The following PRKAR1B variants were observed in gnomAD, a reference collection of about 807,000 sequenced individuals.
PRKAR1B encodes cAMP-dependent protein kinase type I-beta regulatory subunit.
In PRKAR1B, 22 loss-of-function variants were observed where a neutral mutation model predicts 46.5. That is an observed-to-expected ratio of 0.47 (90% CI 0.34 to 0.68). The LOEUF (loss-of-function observed/expected upper bound fraction) is 0.68, where lower values mean the gene tolerates loss of function less well. PRKAR1B is among the 30% of genes least tolerant of loss of function. The probability of loss-of-function intolerance (pLI) is 0.01; values close to 1 mark genes in which losing one functional copy is unlikely to be tolerated. For synonymous variants in PRKAR1B, 259 were observed against 217.7 expected (o/e 1.19, Z -1.67); for missense variants, 445 against 535.6 (o/e 0.83, Z 1.67).
At chr7:613,678 C>T (rs1263973067) in intron 4 of PRKAR1B, among the ~76,000 whole-genome samples, 1 of 152,210 alleles carries the variant, frequency 6.6e-6, no homozygotes, top group Non-Finnish European at 1.5e-5. Flanking sequence ...ACTACGAGGG[C>T]CCACCGACCA....
At chr7:728,727 C>T (rs995681560), upstream of PRKAR1B, among the ~76,000 whole-genome samples, 18 of 152,226 alleles carry the variant, frequency 1.2e-4, no homozygotes, top group Non-Finnish European at 2.2e-4. Flanking sequence ...CAGCCCCAAG[C>T]GCAGCCTGCT....
intron 1 of PRKAR1B, among the ~76,000 whole-genome samples, chr7:711,953 G>A (rs1780658130): frequency 6.6e-6 from 1 of 151,802 alleles, no homozygotes; most frequent in Non-Finnish European, 1.5e-5. Flanking sequence ...GGGCCCCTGC[G>A]CGCGGCCTCA....
chr7:563,012 C>T (rs553599132), intron 9 of PRKAR1B, among the ~76,000 whole-genome samples: 10 of 152,230 alleles, frequency 6.6e-5, no homozygotes, highest in Non-Finnish European at 8.8e-5. Flanking sequence ...ACCTAACGGG[C>T]GCTGATGAAA....
chr7:604,665 C>T (rs1025134979), intron 6 of PRKAR1B, among the ~76,000 whole-genome samples: 6 of 152,216 alleles, frequency 3.9e-5, no homozygotes, highest in South Asian at 2.1e-4. Context: ...AGAAACACAG[C>T]GCGATGGGGG....
intron 2 of PRKAR1B, among the ~76,000 whole-genome samples, chr7:695,099 G>A (rs553191691): frequency 1.3e-5 from 2 of 151,884 alleles, no homozygotes; most frequent in Admixed American, 6.5e-5. Flanking sequence ...AAATGTAGTC[G>A]GGACAGAAGT....
Position 678,702 on chromosome 7 carries a change from G to A in PRKAR1B, c.349-1382C>T, listed in dbSNP as rs62432180. The stretch of plus-strand genomic sequence containing the variant: ...GACCACGCAGGCTTAGGTGTGCTGC[G>A]TGTAACGCAGAGAGCCCCTGTGCAG... On this transcript the variant is annotated intron_variant, in intron 3 of 10. Transcript: ENST00000537384. Among the ~76,000 whole-genome samples, 355 of 152,392 alleles carry A rather than the reference G, an allele frequency of 2.3e-3. 2 individuals carry two copies. Among genetic ancestry groups the A allele is most frequent in the Non-Finnish European group, 4.1e-3 (282 of 68,046 alleles).
intron 2 of PRKAR1B, among the ~76,000 whole-genome samples, chr7:708,262 G>A (rs1323909564): frequency 1.3e-5 from 2 of 152,062 alleles, no homozygotes; most frequent in Non-Finnish European, 1.5e-5. Context: ...GACCCAGAAG[G>A]AGCCATCCCA....
At chr7:622,410 G>A (rs936934727) in intron 4 of PRKAR1B, among the ~76,000 whole-genome samples, 6 of 152,218 alleles carry the variant, frequency 3.9e-5, no homozygotes, top group Admixed American at 2.0e-4. Flanking sequence ...GAGGCTAAAA[G>A]AAATAAAGAA....
chr7:630,681 G>A (rs956489904), intron 4 of PRKAR1B, among the ~76,000 whole-genome samples: 5 of 152,184 alleles, frequency 3.3e-5, no homozygotes, highest in African/African-American at 1.2e-4. Flanking sequence ...TGTTAAAGAC[G>A]CCCAGGGGAT....
intron 2 of PRKAR1B, among the ~76,000 whole-genome samples, chr7:684,899 C>G (rs1457007266): frequency 6.6e-6 from 1 of 151,894 alleles, no homozygotes; most frequent in African/African-American, 2.4e-5. Flanking sequence ...CACACACACA[C>G]ACAGAGGATG....
At chr7:646,310 C>A (rs1198337500) in intron 4 of PRKAR1B, among the ~76,000 whole-genome samples, 1 of 152,234 alleles carries the variant, frequency 6.6e-6, no homozygotes, top group Non-Finnish European at 1.5e-5. Context: ...TCCCAAAGTG[C>A]TGGGATTACA....
intron 9 of PRKAR1B, among the ~76,000 whole-genome samples, chr7:566,546 CCAT>C (rs1300618228): frequency 6.6e-6 from 1 of 151,624 alleles, no homozygotes; most frequent in Non-Finnish European, 1.5e-5. Context: ...ACCACCATCA[CCAT>C]CATTGTCATC....
At chr7:584,420 G>C in intron 8 of PRKAR1B, 88 bp downstream of exon 8, 1 of 1,161,520 alleles carries the variant, frequency 8.6e-7, no homozygotes, top group Non-Finnish European at 1.3e-6. Context: ...TCAACTGCCA[G>C]CCACGCAGGG....
intron 4 of PRKAR1B, among the ~76,000 whole-genome samples, chr7:637,706 G>A (rs1269927224): frequency 1.3e-5 from 2 of 151,928 alleles, no homozygotes; most frequent in Non-Finnish European, 2.9e-5. Flanking sequence ...GTGGTGGCAG[G>A]TGCCTGTAAT....
At position 577,026 on chromosome 7, in the gene PRKAR1B, C is replaced by T. The variant is rs143351125; in HGVS notation, c.891+2230G>A. ...CAACTCCATCAGTCGCCTCACCCAA[C>T]GCCATCAGCGGCCCCGTCCAACTCC... is the stretch of plus-strand genomic sequence containing the variant. On this transcript the variant is annotated intron_variant, in intron 9 of 10. Coordinates refer to ENST00000537384, the MANE Select transcript of PRKAR1B (RefSeq NM_001164760.2). Among the ~76,000 whole-genome samples, 88 of 137,670 alleles carry T rather than the reference C, an allele frequency of 6.4e-4. No individual in the cohort carries two copies. The Middle Eastern group carries it at 0.012, about 19-fold the overall frequency. 90.3% of individuals were successfully genotyped at this position (137,670 alleles called of 152,430 possible). A position where few individuals can be genotyped will look rare whatever the true frequency, so the allele number is the denominator to read the frequency against.
intron 4 of PRKAR1B, among the ~76,000 whole-genome samples, chr7:642,834 C>T (rs921069069): frequency 6.6e-6 from 1 of 151,452 alleles, no homozygotes; most frequent in African/African-American, 2.4e-5. Context: ...GCAGCACACT[C>T]GGTTCACCAC....
At chr7:715,873 G>A (rs111688258) in intron 1 of PRKAR1B, among the ~76,000 whole-genome samples, 38 of 151,560 alleles carry the variant, frequency 2.5e-4, no homozygotes, top group African/African-American at 5.3e-4. Flanking sequence ...CCGCCACCGC[G>A]CCCGGCTAAT....
intron 1 of PRKAR1B, among the ~76,000 whole-genome samples, chr7:724,361 G>A (rs980588916): frequency 6.6e-6 from 1 of 152,180 alleles, no homozygotes; most frequent in African/African-American, 2.4e-5. Flanking sequence ...TTCCTGTGCT[G>A]TTCCTATGAT....
intron 4 of PRKAR1B, among the ~76,000 whole-genome samples, chr7:623,909 C>A (rs544270249): frequency 6.6e-6 from 1 of 152,342 alleles, no homozygotes; most frequent in Middle Eastern, 3.4e-3. Flanking sequence ...AGTGTCCGCT[C>A]TACCCTGTGG....
Sources: gnomAD v4.1 joint callset for allele counts (sites outside exome capture counted in the v4.1 genomes callset) on GRCh38, gnomAD v4.1.1 for gene constraint, MANE v1.5 for transcripts, NCBI Gene and HGNC (gene_info 2026-07-23, HGNC 2026-07-21) for gene names.